The following CORO7 variants were observed in gnomAD, a reference collection of about 807,000 sequenced individuals.
CORO7 encodes coronin 7.
CORO7 carries 107 observed loss-of-function variants against 126.6 expected under a neutral mutation model. The observed-to-expected ratio is 0.85, with a 90% CI of 0.72 to 0.99. CORO7 has a LOEUF of 0.99. Ranked by LOEUF, CORO7 falls within the 50% of genes least tolerant of loss-of-function variation. The pLI, the probability that CORO7 is intolerant of heterozygous loss-of-function variation, is 0.00. For synonymous variants in CORO7, 603 were observed against 536.8 expected, an observed-to-expected ratio of 1.12 and a Z score of -1.70; for missense variants, 1,314 against 1,255.8, an observed-to-expected ratio of 1.05 and a Z score of -0.70.
intron 25 of CORO7, 194 bp downstream of exon 25, chr16:4,357,774 G>A: frequency 1.1e-6 from 1 of 924,080 alleles, no homozygotes; most frequent in Non-Finnish European, 1.6e-6. Context: ...TGTTAGGGGT[G>A]GGGACCTGTG....
chr16:4,411,171 C>T (rs963102896), intron 3 of CORO7, among the ~76,000 whole-genome samples: 51 of 152,190 alleles, frequency 3.4e-4, no homozygotes, highest in Admixed American at 2.1e-3. Flanking sequence ...GGGAGGATAG[C>T]TCGAGGCCAG....
At chr16:4,375,875 C>A (rs954585696) in intron 9 of CORO7, among the ~76,000 whole-genome samples, 2 of 152,170 alleles carry the variant, frequency 1.3e-5, no homozygotes, top group East Asian at 3.9e-4. Flanking sequence ...ATGTGCAGCC[C>A]GGCGGGCAAA....
intron 6 of CORO7, among the ~76,000 whole-genome samples, chr16:4,400,237 G>A (rs1186865876): frequency 6.6e-6 from 1 of 152,144 alleles, no homozygotes; most frequent in Non-Finnish European, 1.5e-5. Flanking sequence ...GGTGGCTCAG[G>A]CCTATAATCC....
chr16:4,403,604 C>T (rs148029060), intron 6 of CORO7, among the ~76,000 whole-genome samples: 180 of 152,254 alleles, frequency 1.2e-3, no homozygotes, highest in Middle Eastern at 6.8e-3. Context: ...GGAGCTCCTC[C>T]GTCTGTGACT....
At chr16:4,416,164 G>C (rs944002728) in intron 1 of CORO7, among the ~76,000 whole-genome samples, 6 of 152,116 alleles carry the variant, frequency 3.9e-5, no homozygotes, top group Non-Finnish European at 7.4e-5. Flanking sequence ...CGCAGGCCTG[G>C]GCCCCGGCTA....
At chr16:4,355,965 T>C in intron 26 of CORO7, among the ~76,000 whole-genome samples, 1 of 152,052 alleles carries the variant, frequency 6.6e-6, no homozygotes, top group Admixed American at 6.6e-5. Flanking sequence ...ATTTATTTAT[T>C]TTTTTGAGAC....
chr16:4,406,761 T>G (rs2056013406), intron 5 of CORO7, among the ~76,000 whole-genome samples: 1 of 151,908 alleles, frequency 6.6e-6, no homozygotes, highest in African/African-American at 2.4e-5. Context: ...TGCCTCAGCC[T>G]CCTGAGTAGC....
intron 6 of CORO7, among the ~76,000 whole-genome samples, chr16:4,402,925 G>C (rs1482132084): frequency 2.6e-5 from 4 of 152,144 alleles, no homozygotes; most frequent in Non-Finnish European, 5.9e-5. Flanking sequence ...AGCAGGAGGG[G>C]GCTTTGGTGG....
rs747929616 is a variant in CORO7, at chr16:4,380,956, G to A, written c.785+7030C>T. 19 of 1,601,472 alleles carry A rather than the reference G, an allele frequency of 1.2e-5. No individual in the cohort carries two copies. The highest frequency in any genetic ancestry group is 3.3e-5 in the South Asian group (3 of 90,140). The stretch of plus-strand genomic sequence containing the variant: ...GCCTGGGGTGCAGGGCTGCCCATCC[G>A]GCTGCCAGTGCAGCCAGCCACAGAC... On this transcript the variant is annotated intron_variant, in intron 9 of 27. Transcript: ENST00000251166.
intron 5 of CORO7, among the ~76,000 whole-genome samples, chr16:4,406,997 G>T (rs1382012143): frequency 6.7e-6 from 1 of 148,904 alleles, no homozygotes; most frequent in Non-Finnish European, 1.5e-5. Flanking sequence ...ACCCAGGCTG[G>T]AGCGCAGTGG....
At chr16:4,374,073 G>A (rs906833136) in intron 9 of CORO7, among the ~76,000 whole-genome samples, 1 of 151,400 alleles carries the variant, frequency 6.6e-6, no homozygotes, top group Admixed American at 6.6e-5. Flanking sequence ...TCTTGGAGAA[G>A]GGGGAGGGTG....
intron 9 of CORO7, chr16:4,371,724 C>A (rs1280926201): frequency 2.6e-5 from 4 of 152,256 alleles, no homozygotes; most frequent in Admixed American, 6.5e-5. Flanking sequence ...GCCCACGAGC[C>A]CCTCGGTGGG....
intron 24 of CORO7, 74 bp from the exon 25 acceptor site, chr16:4,358,177 G>C (rs138419054): frequency 0.025 from 39,482 of 1,563,874 alleles, 671 homozygotes; most frequent in Middle Eastern, 0.031. Context: ...GTTGGGGAGG[G>C]ACAGGGCAAG....
intron 7 of CORO7, among the ~76,000 whole-genome samples, chr16:4,394,504 G>T (rs2055512832): frequency 6.6e-6 from 1 of 150,772 alleles, no homozygotes; most frequent in South Asian, 2.1e-4. Context: ...GTAACCATGG[G>T]CCCGTATCCC....
chr16:4,395,266 C>G (rs1160060232), intron 7 of CORO7, 23 bp downstream of exon 7: 6 of 1,613,844 alleles, frequency 3.7e-6, no homozygotes, highest in Non-Finnish European at 5.1e-6. Context: ...TTCAACCCAC[C>G]CCAGCTTGCC....
chr16:4,401,092 T>C (rs2055786064), intron 6 of CORO7, among the ~76,000 whole-genome samples: 1 of 152,166 alleles, frequency 6.6e-6, no homozygotes, highest in Non-Finnish European at 1.5e-5. Flanking sequence ...ACTACCAAGT[T>C]CCAGGCTAAG....
At chr16:4,396,322 G>A (rs961996532) in intron 6 of CORO7, among the ~76,000 whole-genome samples, 3 of 152,066 alleles carry the variant, frequency 2.0e-5, no homozygotes, top group Non-Finnish European at 4.4e-5. Flanking sequence ...CAGGTGATCC[G>A]CCCGCCTCGG....
intron 9 of CORO7, chr16:4,381,096 C>T (rs750055526): frequency 2.4e-5 from 38 of 1,607,942 alleles, no homozygotes; most frequent in African/African-American, 8.0e-5. Context: ...GCAGCTTTGC[C>T]GGCCTGCCGG....
intron 9 of CORO7, chr16:4,381,217 G>A (rs774070492): frequency 2.5e-6 from 4 of 1,612,206 alleles, no homozygotes; most frequent in Non-Finnish European, 3.4e-6. Context: ...CAGGCTGCAT[G>A]AAATCACCAA....
Sources: gnomAD v4.1 joint callset for allele counts (sites outside exome capture counted in the v4.1 genomes callset) on GRCh38, gnomAD v4.1.1 for gene constraint, MANE v1.5 for transcripts, NCBI Gene and HGNC (gene_info 2026-07-23, HGNC 2026-07-21) for gene names.